The following ZFPM2 variants were observed in gnomAD, a reference collection of about 807,000 sequenced individuals.
ZFPM2 encodes the protein zinc finger protein, FOG family member 2.
In ZFPM2, 20 loss-of-function variants were observed where a neutral mutation model predicts 98.6. The observed-to-expected ratio is 0.20, with a 90% CI of 0.14 to 0.29. The LOEUF is 0.29. ZFPM2 is among the 10% of genes least tolerant of loss of function. The probability of loss-of-function intolerance (pLI) is 1.00; values close to 1 mark genes in which losing one functional copy is unlikely to be tolerated. For synonymous variants in ZFPM2, 518 were observed against 502.7 expected (o/e 1.03, Z -0.41); for missense variants, 1,310 against 1,388.6 (o/e 0.94, Z 0.90).
intron 3 of ZFPM2, among the ~76,000 whole-genome samples, chr8:105,447,028 A>G (rs1812387472): frequency 6.6e-6 from 1 of 152,080 alleles, no homozygotes; most frequent in Non-Finnish European, 1.5e-5. Context: ...GCATTTTCCA[A>G]CTGTAGTCAG....
chr8:105,722,738 G>C (rs1307137275), intron 5 of ZFPM2, among the ~76,000 whole-genome samples: 2 of 151,770 alleles, frequency 1.3e-5, no homozygotes, highest in African/African-American at 4.8e-5. Context: ...TGGTCTTGCT[G>C]TCTCAGAGGT....
chr8:105,439,656 A>G (rs1812196590), intron 2 of ZFPM2, among the ~76,000 whole-genome samples: 4 of 152,174 alleles, frequency 2.6e-5, no homozygotes. Context: ...AATTTCCTGA[A>G]TAGTAAATTG....
chr8:105,694,276 G>A (rs920270107), intron 5 of ZFPM2, among the ~76,000 whole-genome samples: 16 of 152,038 alleles, frequency 1.1e-4, no homozygotes, highest in South Asian at 1.0e-3. Flanking sequence ...CTGAGCCACC[G>A]CGCCCAGCCT....
chr8:105,606,980 T>C (rs957051533), intron 4 of ZFPM2, among the ~76,000 whole-genome samples: 32 of 152,234 alleles, frequency 2.1e-4, no homozygotes, highest in Middle Eastern at 3.4e-3. Flanking sequence ...TCCTCAGCTA[T>C]GCTGTCCTTG....
intron 2 of ZFPM2, among the ~76,000 whole-genome samples, chr8:105,428,326 C>G (rs1038422067): frequency 6.6e-6 from 1 of 152,112 alleles, no homozygotes; most frequent in Non-Finnish European, 1.5e-5. Context: ...TAGGGATGTT[C>G]TTAAAATATT....
At chr8:105,602,885 A>G (rs572982872) in intron 4 of ZFPM2, among the ~76,000 whole-genome samples, 3 of 152,210 alleles carry the variant, frequency 2.0e-5, no homozygotes, top group East Asian at 3.9e-4. Flanking sequence ...TGCTTGCCCA[A>G]AGCTCACAGA....
intron 1 of ZFPM2, among the ~76,000 whole-genome samples, chr8:105,407,713 A>G (rs1002791141): frequency 1.3e-5 from 2 of 151,972 alleles, no homozygotes; most frequent in Non-Finnish European, 2.9e-5. Flanking sequence ...CTGGGTCTTC[A>G]TTAAGTAGAA....
chr8:105,580,827 C>CTCTATA (rs1277698205), intron 4 of ZFPM2, among the ~76,000 whole-genome samples: 94 of 131,470 alleles, frequency 7.1e-4, no homozygotes, highest in Non-Finnish European at 1.1e-3. Flanking sequence ...CTCTCTCTCT[C>CTCTATA]TATATATATA....
intron 5 of ZFPM2, among the ~76,000 whole-genome samples, chr8:105,733,578 G>A (rs189082916): frequency 1.6e-4 from 24 of 151,816 alleles, no homozygotes; most frequent in Admixed American, 1.6e-3. Context: ...ACAGATTTTT[G>A]TACCCTGGAG....
intron 5 of ZFPM2, among the ~76,000 whole-genome samples, chr8:105,771,173 A>T (rs1563556587): frequency 6.6e-6 from 1 of 151,660 alleles, no homozygotes; most frequent in Non-Finnish European, 1.5e-5. Flanking sequence ...CTGTACCCTG[A>T]TTTTTTTTCG....
At chr8:105,787,647 A>G (rs193028949) in intron 5 of ZFPM2, 1 of 152,366 alleles carries the variant, frequency 6.6e-6, no homozygotes, top group African/African-American at 2.4e-5. Context: ...ATGTTGAAAG[A>G]TAAACAGAGC....
intron 5 of ZFPM2, among the ~76,000 whole-genome samples, chr8:105,754,941 T>A (rs1168402500): frequency 1.4e-5 from 2 of 138,194 alleles, no homozygotes; most frequent in African/African-American, 2.9e-5. Flanking sequence ...CTGGAGAAAT[T>A]TAATATGTGT....
chr8:105,344,128 G>A (rs962991276), intron 1 of ZFPM2, among the ~76,000 whole-genome samples: 4 of 152,016 alleles, frequency 2.6e-5, no homozygotes, highest in Non-Finnish European at 4.4e-5. Context: ...GGAAAGACCC[G>A]CCCCCATGAT....
chr8:105,393,347 T>TTTCA (rs1811152238), intron 1 of ZFPM2, among the ~76,000 whole-genome samples: 1 of 83,628 alleles, frequency 1.2e-5, no homozygotes, highest in Admixed American at 1.5e-4. Context: ...CCTTTCTTTC[T>TTTCA]TTCTTTCTTT....
intron 4 of ZFPM2, among the ~76,000 whole-genome samples, chr8:105,614,781 C>T (rs1006743570): frequency 6.6e-6 from 1 of 152,042 alleles, no homozygotes; most frequent in African/African-American, 2.4e-5. Flanking sequence ...GGAAAACCTA[C>T]AAGATAATTT....
chr8:105,330,277 G>T (rs904072191), intron 1 of ZFPM2, among the ~76,000 whole-genome samples: 2 of 151,096 alleles, frequency 1.3e-5, no homozygotes, highest in African/African-American at 4.9e-5. Flanking sequence ...AGGACAGTTG[G>T]GTCTCAGCAA....
intron 5 of ZFPM2, among the ~76,000 whole-genome samples, chr8:105,677,732 C>T (rs1282835775): frequency 1.3e-5 from 2 of 151,888 alleles, no homozygotes; most frequent in Non-Finnish European, 2.9e-5. Flanking sequence ...TAAATGTGAC[C>T]CTGTCAACTG....
rs951347211 is a variant in ZFPM2, at chr8:105,318,935, C to A, written c.-7C>A. 19 of 1,434,988 alleles carry A rather than the reference C, an allele frequency of 1.3e-5. No individual in the cohort carries two copies. The highest frequency in any genetic ancestry group is 1.8e-5 in the Non-Finnish European group (19 of 1,081,444). The allele number at this position is 1,434,988 out of a possible 1,614,324, so 88.9% of individuals were successfully genotyped here. On this transcript the variant is annotated 5_prime_UTR_variant, in exon 1 of 8. Coordinates refer to ENST00000407775, the MANE Select transcript of ZFPM2 (RefSeq NM_012082.4). ...CGGGAGCCCCAGCGGCAGCAGCCGC[C>A]GCCGAGATGTCCCGGCGAAAGCAAA...
At chr8:105,776,719 G>T (rs1483321947) in intron 5 of ZFPM2, among the ~76,000 whole-genome samples, 1 of 152,080 alleles carries the variant, frequency 6.6e-6, no homozygotes, top group African/African-American at 2.4e-5. Flanking sequence ...ATTTTTGTTT[G>T]TAGCTACTGA....
Sources: gnomAD v4.1 joint callset for allele counts (sites outside exome capture counted in the v4.1 genomes callset) on GRCh38, gnomAD v4.1.1 for gene constraint, MANE v1.5 for transcripts, NCBI Gene and HGNC (gene_info 2026-07-23, HGNC 2026-07-21) for gene names.